OPHN1: variants seen among roughly 807,000 people sequenced by gnomAD.
OPHN1 encodes the protein oligophrenin-1.
A neutral mutation model predicts 60.7 loss-of-function variants in OPHN1; 11 were observed. The observed-to-expected ratio is 0.18, with a 90% CI of 0.11 to 0.30. The LOEUF is 0.30. Among genes scored for constraint, OPHN1 ranks in the 10% least tolerant of loss-of-function variants. The pLI is 1.00. For synonymous variants in OPHN1, 226 were observed against 222.6 expected (o/e 1.02, Z -0.14); for missense variants, 449 against 611.0 (o/e 0.73, Z 2.80).
chrX:68,216,549 A>T (rs1056260635), intron 6 of OPHN1, among the ~76,000 whole-genome samples: 12 of 111,564 alleles, frequency 1.1e-4, no homozygotes, highest in Non-Finnish European at 1.9e-4. Context: ...AGACTAAAAC[A>T]CAGAAAAATG....
chrX:68,063,171 C>T (rs1358210075), intron 21 of OPHN1, among the ~76,000 whole-genome samples: 5 of 109,582 alleles, frequency 4.6e-5, no homozygotes, highest in Admixed American at 3.9e-4. Flanking sequence ...CACTTATCTA[C>T]AGCAGCCTCC....
chrX:68,084,954 C>T (rs1192958875), intron 19 of OPHN1, among the ~76,000 whole-genome samples: 1 of 112,318 alleles, frequency 8.9e-6, no homozygotes, highest in African/African-American at 3.2e-5. Flanking sequence ...AATAACCCTG[C>T]AGTCATCACG....
chrX:68,255,017 GA>G (rs748466618), intron 5 of OPHN1, among the ~76,000 whole-genome samples: 5,389 of 32,919 alleles, frequency 0.16, 576 homozygotes, highest in African/African-American at 0.39. Context: ...TCTGCCTCAA[GA>G]AAAAAAAAAA....
rs1185997454 is a variant in OPHN1 at position 68,192,251 on chromosome X, C to A, written c.1276+668G>T. On this transcript the variant is annotated intron_variant, in intron 15 of 24. Coordinates refer to ENST00000355520, the MANE Select transcript of OPHN1 (RefSeq NM_002547.3). ...TTGTGGCTCATGCCTGTAATCCCAGCACTTTGGGAGGCAAAGGCAAGAGGA... is the reference window on the plus strand; with the variant it reads ...TTGTGGCTCATGCCTGTAATCCCAGAACTTTGGGAGGCAAAGGCAAGAGGA... Among the ~76,000 whole-genome samples, 3 of 111,263 alleles carry A rather than the reference C, an allele frequency of 2.7e-5. No homozygotes were observed. In the East Asian group the frequency reaches 8.5e-4, roughly 31 times the overall value.
intron 15 of OPHN1, among the ~76,000 whole-genome samples, chrX:68,123,306 A>T (rs2077157389): frequency 8.9e-6 from 1 of 112,107 alleles, no homozygotes; most frequent in Non-Finnish European, 1.9e-5. Context: ...TCAATAGCAG[A>T]TCTATCTTAC....
intron 16 of OPHN1, among the ~76,000 whole-genome samples, chrX:68,113,744 C>G (rs1307188331): frequency 1.1e-5 from 1 of 94,021 alleles, no homozygotes; most frequent in Non-Finnish European, 2.0e-5. Flanking sequence ...TGTTCTCACT[C>G]ATAGATGGGA....
chrX:68,158,704 G>A, intron 15 of OPHN1, among the ~76,000 whole-genome samples: 1 of 111,781 alleles, frequency 8.9e-6, no homozygotes, highest in Non-Finnish European at 1.9e-5. Flanking sequence ...TTTTGCTTAT[G>A]GCTGGGGCAG....
intron 19 of OPHN1, among the ~76,000 whole-genome samples, chrX:68,090,242 C>CTGTGTGTGTGTGTGTGTG (rs10549357): frequency 2.0e-5 from 2 of 98,162 alleles, no homozygotes; most frequent in Non-Finnish European, 4.1e-5. Flanking sequence ...GTGTGTGTGT[C>CTGTGTGTGTGTGTGTGTG]TGTGTGTGTG....
intron 15 of OPHN1, among the ~76,000 whole-genome samples, chrX:68,152,223 A>G (rs2077288015): frequency 9.0e-6 from 1 of 111,073 alleles, no homozygotes; most frequent in African/African-American, 3.3e-5. Flanking sequence ...CTCAGCAGGT[A>G]GCCTTACCAT....
chrX:68,071,919 C>T (rs1293870357), intron 20 of OPHN1, among the ~76,000 whole-genome samples: 1 of 111,566 alleles, frequency 9.0e-6, no homozygotes, highest in Non-Finnish European at 1.9e-5. Flanking sequence ...AGGAAGAAGG[C>T]AAGCAATGAT....
Position 68,167,699 on chromosome X carries a change from A to G in OPHN1, c.1276+25220T>C, listed in dbSNP as rs755308499. ...TACACATGTATATATGTATATATAC[A>G]CATATGTGTATATGTGTGTGTGTAT... On this transcript the variant is annotated intron_variant, in intron 15 of 24. Transcript: ENST00000355520. Among the ~76,000 whole-genome samples the G allele has an allele frequency of 7.8e-5, 7 of 89,257 alleles. No individual in the cohort carries two copies. In the South Asian group the frequency reaches 3.2e-3, roughly 40 times the overall value. 77.5% of individuals were successfully genotyped at this position (89,257 alleles called of 115,157 possible).
chrX:68,307,326 C>T (rs1436701501), intron 2 of OPHN1, among the ~76,000 whole-genome samples: 3 of 108,518 alleles, frequency 2.8e-5, no homozygotes, highest in Non-Finnish European at 3.8e-5. Context: ...TGGTGGTGTG[C>T]ACCTGTAGTC....
chrX:68,112,156 G>A (rs1187415046), intron 17 of OPHN1, among the ~76,000 whole-genome samples, 197 bp from the exon 18 acceptor site: 1 of 108,139 alleles, frequency 9.2e-6, no homozygotes, highest in Admixed American at 1.0e-4. Context: ...GAGATGAAAA[G>A]AGACAGAGAG....
At chrX:68,067,412 T>C (rs1020747552) in intron 20 of OPHN1, among the ~76,000 whole-genome samples, 3 of 110,240 alleles carry the variant, frequency 2.7e-5, no homozygotes, top group Admixed American at 9.7e-5. Context: ...GGCTATATCA[T>C]GAAGTCCATG....
In OPHN1 at chrX:68,283,086, G is replaced by A; in HGVS notation, c.282C>T (p.Leu94=). 2 of 1,207,462 alleles carry A rather than the reference G, an allele frequency of 1.7e-6. No individual in the cohort carries two copies. The highest frequency in any genetic ancestry group is 2.2e-6 in the Non-Finnish European group (2 of 891,847). The change falls in exon 4 of 25, where the codon CTC becomes CTT. Residue 94 remains leucine, a synonymous_variant. Transcript: ENST00000355520. The stretch of plus-strand genomic sequence containing the variant: ...TCATCCTCTCATTTTCTACCTCGTT[G>A]AGCAATTCAGCAAATTCCTTGAAGG... ...AESFKEFAEL[L]NEVENERMMM...
chrX:68,146,092 G>A (rs2077262747), intron 15 of OPHN1, among the ~76,000 whole-genome samples: 3 of 112,198 alleles, frequency 2.7e-5, no homozygotes, highest in East Asian at 2.8e-4. Flanking sequence ...ATATGGCATC[G>A]TATTTTAAAA....
rs558276607 is a variant in OPHN1, at chrX:68,287,561, A to C, written c.251-4444T>G. Among the ~76,000 whole-genome samples, 23 of 111,424 alleles carry C rather than the reference A, an allele frequency of 2.1e-4. No homozygotes were observed. In the South Asian group the frequency reaches 7.9e-3, roughly 38 times the overall value. On this transcript the variant is annotated intron_variant, in intron 3 of 24. Transcript: ENST00000355520. ...TAAACTCTGAGTCAACTCAAATAAC[A>C]TAAGCCCTGTGAGTGATATTTCTCA...
chrX:68,224,793 C>T (rs2077681437), intron 6 of OPHN1, among the ~76,000 whole-genome samples: 1 of 112,441 alleles, frequency 8.9e-6, no homozygotes, highest in Non-Finnish European at 1.9e-5. Flanking sequence ...CTCCAGTCTA[C>T]AGCTCCCAGT....
chrX:68,372,940 T>C lies in OPHN1; in HGVS notation c.154+59927A>G, dbSNP rs553501470. Among the ~76,000 whole-genome samples the C allele has an allele frequency of 3.1e-4, 35 of 111,643 alleles. No homozygotes were observed. In the South Asian group the frequency reaches 4.6e-3, roughly 15 times the overall value. ...TAAGAAAAAAAAAAGACATTGCAAC[T>C]GTCAGCTCTTTCTCGGGGAGACAAA... is the stretch of plus-strand genomic sequence containing the variant. On this transcript the variant is annotated intron_variant, in intron 2 of 24. Transcript: ENST00000355520.
Sources: gnomAD v4.1 joint callset for allele counts (sites outside exome capture counted in the v4.1 genomes callset) on GRCh38, gnomAD v4.1.1 for gene constraint, MANE v1.5 for transcripts, NCBI Gene and HGNC (gene_info 2026-07-23, HGNC 2026-07-21) for gene names.